Variants in RHCG observed in about 807,000 individuals in gnomAD.
RHCG encodes ammonium transporter Rh type C.
RHCG carries 39 observed loss-of-function variants against 55.3 expected under a neutral mutation model. The observed-to-expected ratio is 0.70, with a 90% CI of 0.55 to 0.92. The LOEUF (loss-of-function observed/expected upper bound fraction) is 0.92. RHCG is among the 40% of genes least tolerant of loss of function. RHCG has a pLI of 0.00. For synonymous variants in RHCG, 250 were observed against 246.8 expected, an observed-to-expected ratio of 1.01 and a Z score of -0.12; for missense variants, 635 against 627.9, an observed-to-expected ratio of 1.01 and a Z score of -0.12.
rs1255523963 is a variant in RHCG, at chr15:89,472,841, A to G, written c.1334T>C (p.Val445Ala). The G allele has an allele frequency of 2.0e-6, 3 of 1,533,064 alleles. No individual in the cohort carries two copies. Among genetic ancestry groups the G allele is most frequent in the African/African-American group, 1.4e-5 (1 of 72,446 alleles). 95.0% of individuals were successfully genotyped at this position (1,533,064 alleles called of 1,614,324 possible). A position where few individuals can be genotyped will look rare whatever the true frequency, so the allele number is the denominator to read the frequency against. Residue 445 changes from valine (V) to alanine (A), a missense_variant, in exon 10 of 11, where the codon GTC becomes GCC. Coordinates refer to ENST00000268122, the MANE Select transcript of RHCG (RefSeq NM_016321.3). Reference protein sequence around the residue: ...YWEMPEGNSTVYIPEDPTFKP... With the variant: ...YWEMPEGNSTAYIPEDPTFKP... ...GAAGGTGGGGTCCTCAGGGATGTAG[A>G]CAGTGCTGTTCCCTTCAGGCATCTA... is the stretch of plus-strand genomic sequence containing the variant.
chr15:89,494,454 G>C (rs1961530144), intron 1 of RHCG, among the ~76,000 whole-genome samples: 3 of 152,102 alleles, frequency 2.0e-5, no homozygotes, highest in African/African-American at 7.2e-5. Flanking sequence ...ATGATAAATT[G>C]TATGATCACA....
intron 10 of RHCG, among the ~76,000 whole-genome samples, chr15:89,472,332 A>G (rs1199624548): frequency 6.6e-6 from 1 of 152,186 alleles, no homozygotes; most frequent in Non-Finnish European, 1.5e-5. Flanking sequence ...GAGCTGAGCA[A>G]CTGAATACAA....
intron 1 of RHCG, 134 bp from the exon 2 acceptor site, chr15:89,487,119 A>G: frequency 1.3e-6 from 1 of 759,982 alleles, no homozygotes. Flanking sequence ...CACCATCCTA[A>G]CCCGGTTCCC....
Position 89,494,917 on chromosome 15 carries a change from G to C in RHCG, c.184+1444C>G, listed in dbSNP as rs1361696575. Among the ~76,000 whole-genome samples the C allele has an allele frequency of 2.2e-4, 34 of 152,120 alleles. 1 individual carries two copies. Among genetic ancestry groups the C allele is most frequent in the Non-Finnish European group, 5.0e-4 (34 of 68,012 alleles). On this transcript the variant is annotated intron_variant, in intron 1 of 10. Coordinates refer to ENST00000268122, the MANE Select transcript of RHCG (RefSeq NM_016321.3). ...TGGGGTCAAGTGGGAAGCAAGTGCG[G>C]GAGGGAGGGAGAAGAACAGGTAAAG...
At position 89,479,363 on chromosome 15, in the gene RHCG, C is replaced by T. The variant is rs781110515; in HGVS notation, c.796G>A (p.Ala266Thr). 2 of 1,614,132 alleles carry T rather than the reference C, an allele frequency of 1.2e-6. No individual in the cohort carries two copies. The change falls in exon 5 of 11, where the codon GCA (alanine) becomes ACA (threonine). Residue 266 changes from alanine (A) to threonine (T), a missense_variant. Coordinates refer to ENST00000268122, the MANE Select transcript of RHCG (RefSeq NM_016321.3). ...SLAACVLTSV[A>T]ISSALHKKGK... ...TTCTTGTGCAGGGCACTGGATATTG[C>T]CACCGAGGTAAGCACGCAGGCTGCC... is the stretch of plus-strand genomic sequence containing the variant.
intron 4 of RHCG, chr15:89,479,691 TC>T: frequency 1.7e-6 from 1 of 581,088 alleles, no homozygotes; most frequent in South Asian, 2.1e-5. Flanking sequence ...TCCACACCAC[TC>T]CAGGAAGTCT....
Position 89,477,050 on chromosome 15 carries a change from C to T in RHCG, c.1237+32G>A. The T allele has an allele frequency of 6.2e-7, 1 of 1,613,606 alleles. No homozygotes were observed. Among genetic ancestry groups the T allele is most frequent in the Non-Finnish European group, 8.5e-7 (1 of 1,179,668 alleles). ...CACCCAGGGAGCCCCACAGCAGCAC[C>T]CCCCTTCTCTGGCTCAGCCATTCCT... is the stretch of plus-strand genomic sequence containing the variant. On this transcript the variant is annotated intron_variant, in intron 8 of 10. Transcript: ENST00000268122. The surrounding 1 kb of genome is among the most constrained non-coding windows in gnomAD (Gnocchi z 4.5).
intron 1 of RHCG, among the ~76,000 whole-genome samples, chr15:89,492,538 G>A (rs566678678): frequency 4.6e-5 from 7 of 152,324 alleles, no homozygotes; most frequent in East Asian, 3.9e-4. Context: ...TGGGGAGATG[G>A]TCAGGGGGCA....
intron 2 of RHCG, among the ~76,000 whole-genome samples, chr15:89,485,030 A>T (rs781190930): frequency 6.6e-6 from 1 of 152,166 alleles, no homozygotes; most frequent in Non-Finnish European, 1.5e-5. Flanking sequence ...CAATATGCTC[A>T]TCCCAGCCCC....
chr15:89,487,023 C>T (rs759594707), intron 1 of RHCG, 38 bp from the exon 2 acceptor site: 1 of 1,506,172 alleles, frequency 6.6e-7, no homozygotes, highest in Non-Finnish European at 8.9e-7. Flanking sequence ...GGTGGTCTGG[C>T]GAAGGTTCGT....
At chr15:89,489,693 A>G (rs1206566786) in intron 1 of RHCG, among the ~76,000 whole-genome samples, 1 of 151,986 alleles carries the variant, frequency 6.6e-6, no homozygotes, top group Non-Finnish European at 1.5e-5. Context: ...GTCTTTGCCT[A>G]TGGTGTCCCT....
intron 5 of RHCG, among the ~76,000 whole-genome samples, chr15:89,479,081 CAG>C (rs748247725): frequency 1.6e-5 from 2 of 122,574 alleles, no homozygotes; most frequent in African/African-American, 6.3e-5. Flanking sequence ...GCCTGGGTGA[CAG>C]AGCGAGACTC....
intron 1 of RHCG, among the ~76,000 whole-genome samples, chr15:89,489,996 G>T (rs568720667): frequency 6.6e-6 from 1 of 152,198 alleles, no homozygotes; most frequent in Non-Finnish European, 1.5e-5. Flanking sequence ...TGCCAAGGTC[G>T]ACTCTCAGTT....
intron 8 of RHCG, 88 bp from the exon 9 acceptor site, chr15:89,476,916 G>A: frequency 6.5e-7 from 1 of 1,533,896 alleles, no homozygotes; most frequent in African/African-American, 1.4e-5. Flanking sequence ...AAATCCTCCT[G>A]GGGCCCTTGG....
chr15:89,496,377 G>T lies in RHCG; in HGVS notation c.168C>A (p.Phe56Leu). 4 of 1,613,944 alleles carry T rather than the reference G, an allele frequency of 2.5e-6. No individual in the cohort carries two copies. Among genetic ancestry groups the T allele is most frequent in the Non-Finnish European group, 2.5e-6 (3 of 1,179,932 alleles). The change falls in exon 1 of 11, where the codon TTC (phenylalanine) becomes TTA (leucine). Residue 56 changes from phenylalanine (F) to leucine (L), a missense_variant. Transcript: ENST00000268122. ...GAGACTTACTTGGGTAGCGATAGTAGAATTCGTTCTCCATGTCGCTCAAGT... is the reference window on the plus strand; with the variant it reads ...GAGACTTACTTGGGTAGCGATAGTATAATTCGTTCTCCATGTCGCTCAAGT... ...HKNLSDMENE[F>L]YYRYPSFQDV...
intron 1 of RHCG, among the ~76,000 whole-genome samples, chr15:89,495,842 T>C (rs2141906002): frequency 6.6e-6 from 1 of 152,342 alleles, no homozygotes. Context: ...TGTGTGATTG[T>C]AGGGTCATGC....
chr15:89,496,341 C>T lies in RHCG; in HGVS notation c.184+20G>A. 6.2e-7 allele frequency: 1 copy of T among 1,613,024 alleles called. No individual in the cohort carries two copies. The highest frequency in any genetic ancestry group is 1.3e-5 in the African/African-American group (1 of 75,060). ...CGGCGCGGATATGCCTCCGCTGGGC[C>T]TGCAGGCGGCGAGACTTACTTGGGT... On this transcript the variant is annotated intron_variant, in intron 1 of 10. Transcript: ENST00000268122.
At chr15:89,488,782 G>T (rs1049871312) in intron 1 of RHCG, among the ~76,000 whole-genome samples, 1 of 151,540 alleles carries the variant, frequency 6.6e-6, no homozygotes, top group Non-Finnish European at 1.5e-5. Context: ...ATGGGGGGGG[G>T]GGAGTGCTAT....
intron 1 of RHCG, among the ~76,000 whole-genome samples, chr15:89,491,200 G>A (rs376328814): frequency 8.5e-5 from 13 of 152,166 alleles, no homozygotes; most frequent in Non-Finnish European, 1.8e-4. Flanking sequence ...GGGAGCCCTC[G>A]CTTTCCTGGT....
Sources: gnomAD v4.1 joint callset for allele counts (sites outside exome capture counted in the v4.1 genomes callset) on GRCh38, gnomAD v4.1.1 for gene constraint, Gnocchi (gnomAD v3.1) non-coding constraint, MANE v1.5 for transcripts, NCBI Gene and HGNC (gene_info 2026-07-23, HGNC 2026-07-21) for gene names.